Variants in GRID2 observed in about 807,000 individuals in gnomAD.
The protein encoded by GRID2 is glutamate receptor ionotropic, delta-2.
Under a neutral mutation model 114.8 loss-of-function variants are expected in GRID2, and 33 were observed. The ratio of observed to expected loss-of-function variants is 0.29; its 90% CI spans 0.22 to 0.38. The LOEUF is 0.38. Ranked by LOEUF, GRID2 falls within the 10% of genes least tolerant of loss-of-function variation. The probability of loss-of-function intolerance (pLI) is 1.00; values close to 1 mark genes in which losing one functional copy is unlikely to be tolerated. For synonymous variants in GRID2, 505 were observed against 449.9 expected, an observed-to-expected ratio of 1.12 and a Z score of -1.55; for missense variants, 1,184 against 1,257.7, an observed-to-expected ratio of 0.94 and a Z score of 0.89.
chr4:92,513,171 CTCTT>C (rs956327849), intron 1 of GRID2, among the ~76,000 whole-genome samples: 24 of 151,872 alleles, frequency 1.6e-4, no homozygotes, highest in African/African-American at 5.6e-4. Context: ...TAAAAGCTGA[CTCTT>C]TCTTAATTAA....
At position 92,603,450 on chromosome 4, in the gene GRID2, G is replaced by A. The variant is rs570997641; in HGVS notation, c.244+13164G>A. 7.2e-4 allele frequency among the ~76,000 whole-genome samples: 109 copies of A among 152,066 alleles called. 1 individual carries two copies. The highest frequency in any genetic ancestry group is 9.3e-4 in the Non-Finnish European group (63 of 68,030). The stretch of plus-strand genomic sequence containing the variant: ...TGACACAAATAAGCAATGGGGAAAG[G>A]ATTCCCTATTTAATAAATGGTGCTG... On this transcript the variant is annotated intron_variant, in intron 2 of 15. Coordinates refer to ENST00000282020, the MANE Select transcript of GRID2 (RefSeq NM_001510.4).
intron 2 of GRID2, among the ~76,000 whole-genome samples, chr4:92,928,065 G>C (rs1251544383): frequency 1.3e-5 from 2 of 151,602 alleles, no homozygotes; most frequent in Non-Finnish European, 3.0e-5. Flanking sequence ...ACTTAATCCA[G>C]ACCAAAAGGG....
chr4:93,373,027 C>CTT (rs1763073598), intron 8 of GRID2, among the ~76,000 whole-genome samples: 1 of 152,136 alleles, frequency 6.6e-6, no homozygotes, highest in Admixed American at 6.6e-5. Context: ...CAGGTGTTCA[C>CTT]TTTAAAAGTC....
intron 8 of GRID2, among the ~76,000 whole-genome samples, chr4:93,370,420 CACAA>C (rs1207285366): frequency 6.6e-6 from 1 of 150,678 alleles, no homozygotes; most frequent in East Asian, 2.0e-4. Context: ...CACAAACACA[CACAA>C]ACACGCACAC....
intron 14 of GRID2, among the ~76,000 whole-genome samples, chr4:93,685,912 T>C (rs1726035486): frequency 6.7e-6 from 1 of 150,198 alleles, no homozygotes; most frequent in South Asian, 2.1e-4. Context: ...CAGCCTCCTT[T>C]TCTCTAAAAC....
At chr4:92,448,470 G>A (rs1225985690) in intron 1 of GRID2, among the ~76,000 whole-genome samples, 2 of 151,990 alleles carry the variant, frequency 1.3e-5, no homozygotes, top group South Asian at 4.1e-4. Context: ...CCCAGCCCGA[G>A]TAGTATTGAT....
intron 4 of GRID2, among the ~76,000 whole-genome samples, chr4:93,205,999 A>G (rs1269106748): frequency 1.3e-5 from 2 of 152,052 alleles, no homozygotes; most frequent in Non-Finnish European, 2.9e-5. Context: ...ACTTCACACC[A>G]GCATGGCATG....
chr4:93,788,588 G>A (rs1449123582), intron 1 of GRID2, among the ~76,000 whole-genome samples: 1 of 151,926 alleles, frequency 6.6e-6, no homozygotes, highest in African/African-American at 2.4e-5. Context: ...AACAAAACTG[G>A]AAGAAAAAAG....
At chr4:93,500,763 C>T (rs914481355) in intron 12 of GRID2, among the ~76,000 whole-genome samples, 4 of 152,008 alleles carry the variant, frequency 2.6e-5, no homozygotes, top group Non-Finnish European at 4.4e-5. Flanking sequence ...GATCAGGTTG[C>T]TACTAATAGA....
intron 2 of GRID2, among the ~76,000 whole-genome samples, chr4:92,955,942 A>G (rs1045119054): frequency 2.6e-5 from 4 of 152,120 alleles, no homozygotes; most frequent in Non-Finnish European, 5.9e-5. Context: ...GATGTTCTCT[A>G]TCTCCTGACC....
At chr4:92,923,246 TGTAA>T (rs1460363290) in intron 2 of GRID2, among the ~76,000 whole-genome samples, 3 of 152,204 alleles carry the variant, frequency 2.0e-5, no homozygotes, top group African/African-American at 7.2e-5. Flanking sequence ...CAGTGATGTT[TGTAA>T]GTTTTTTATC....
At chr4:92,524,407 CTTTTTTT>C (rs869060153) in intron 1 of GRID2, among the ~76,000 whole-genome samples, 37,593 of 106,626 alleles carry the variant, frequency 0.35, 4,706 homozygotes, top group Middle Eastern at 0.45. Flanking sequence ...ATTTCCTTGT[CTTTTTTT>C]TTTTTTTTTT....
chr4:92,673,633 G>A (rs1733184130), intron 2 of GRID2, among the ~76,000 whole-genome samples: 1 of 152,104 alleles, frequency 6.6e-6, no homozygotes. Flanking sequence ...CCCTGCATAT[G>A]AAATTCTAAG....
At chr4:93,383,619 G>T (rs1260227304) in intron 8 of GRID2, among the ~76,000 whole-genome samples, 2 of 151,938 alleles carry the variant, frequency 1.3e-5, no homozygotes, top group Admixed American at 6.6e-5. Context: ...TTCTAATCTT[G>T]TTTCTCTCCT....
intron 1 of GRID2, among the ~76,000 whole-genome samples, chr4:93,785,666 T>C (rs1734576371): frequency 6.6e-6 from 1 of 152,202 alleles, no homozygotes; most frequent in Admixed American, 6.5e-5. Flanking sequence ...TAAGAAGCCA[T>C]TGAAGACTTT....
At chr4:93,678,908 A>C (rs1223266943) in intron 14 of GRID2, among the ~76,000 whole-genome samples, 1 of 151,038 alleles carries the variant, frequency 6.6e-6, no homozygotes, top group Non-Finnish European at 1.5e-5. Context: ...TAATGACAGG[A>C]TCAAATTCAC....
intron 1 of GRID2, among the ~76,000 whole-genome samples, chr4:93,783,889 G>A (rs1307658803): frequency 6.6e-6 from 1 of 150,978 alleles, no homozygotes; most frequent in African/African-American, 2.4e-5. Context: ...CGGCTAAAAC[G>A]GTGAAACCCC....
chr4:93,704,910 A>C (rs149489733), intron 14 of GRID2, among the ~76,000 whole-genome samples: 15 of 152,350 alleles, frequency 9.8e-5, no homozygotes, highest in Non-Finnish European at 2.2e-4. Flanking sequence ...GCTGCAATAT[A>C]CATAGGAGTG....
intron 2 of GRID2, among the ~76,000 whole-genome samples, chr4:93,060,357 A>G (rs563537476): frequency 1.3e-5 from 2 of 152,282 alleles, no homozygotes; most frequent in South Asian, 2.1e-4. Context: ...TGCAGATAGT[A>G]GGTTTCTGAC....
Sources: gnomAD v4.1 joint callset for allele counts (sites outside exome capture counted in the v4.1 genomes callset) on GRCh38, gnomAD v4.1.1 for gene constraint, MANE v1.5 for transcripts, NCBI Gene and HGNC (gene_info 2026-07-23, HGNC 2026-07-21) for gene names.